Variants in DNAH14 observed in about 807,000 individuals in gnomAD.
DNAH14 encodes the protein axonemal beta dynein heavy chain 14.
DNAH14 carries 478 observed loss-of-function variants against 520.9 expected under a neutral mutation model. That is an observed-to-expected ratio of 0.92 (90% CI 0.85 to 0.99). The LOEUF (loss-of-function observed/expected upper bound fraction) is 0.99. Among genes scored for constraint, DNAH14 ranks in the 50% least tolerant of loss-of-function variants. DNAH14 has a pLI of 0.00. For synonymous variants in DNAH14, 1,581 were observed against 1,757.2 expected, an observed-to-expected ratio of 0.90 and a Z score of 2.51; for missense variants, 4,831 against 5,234.5, an observed-to-expected ratio of 0.92 and a Z score of 2.38.
At chr1:225,243,308 A>G (rs2092080524) in intron 43 of DNAH14, among the ~76,000 whole-genome samples, 1 of 152,142 alleles carries the variant, frequency 6.6e-6, no homozygotes, top group South Asian at 2.1e-4. Context: ...ATAGGAGGGT[A>G]AAAAGGGAAG....
chr1:225,387,894 C>T (rs906656494), intron 81 of DNAH14, among the ~76,000 whole-genome samples: 2 of 151,854 alleles, frequency 1.3e-5, no homozygotes, highest in Non-Finnish European at 2.9e-5. Context: ...TGCAAGGGAG[C>T]GTTAATAAAC....
chr1:225,200,289 CTG>C (rs1329849483), intron 38 of DNAH14, among the ~76,000 whole-genome samples: 1 of 152,118 alleles, frequency 6.6e-6, no homozygotes, highest in Non-Finnish European at 1.5e-5. Flanking sequence ...TTCTGCAATT[CTG>C]TGTCTTTTAA....
chr1:225,275,673 G>GT (rs1305279386), intron 52 of DNAH14, among the ~76,000 whole-genome samples: 1 of 152,136 alleles, frequency 6.6e-6, no homozygotes, highest in Non-Finnish European at 1.5e-5. Context: ...ATATTTGGGG[G>GT]TTTTTGGTAA....
At chr1:224,968,000 C>T (rs1479351167) in intron 6 of DNAH14, 2 of 971,158 alleles carry the variant, frequency 2.1e-6, no homozygotes, top group Non-Finnish European at 1.3e-6. Flanking sequence ...ATATTTATCA[C>T]AAGTTGAAAA....
chr1:225,026,228 A>G (rs1450357674), intron 11 of DNAH14, among the ~76,000 whole-genome samples: 8 of 151,480 alleles, frequency 5.3e-5, no homozygotes, highest in Non-Finnish European at 1.0e-4. Flanking sequence ...TTGGAGTAAA[A>G]AAGTTTTTAA....
chr1:225,290,641 G>GTATATATATA (rs777422222), intron 55 of DNAH14, among the ~76,000 whole-genome samples: 14 of 91,228 alleles, frequency 1.5e-4, no homozygotes, highest in South Asian at 4.0e-4. Context: ...ATGTGTGTGT[G>GTATATATATA]TGTGTGTATA....
At chr1:225,039,362 T>C (rs2067242454) in intron 12 of DNAH14, among the ~76,000 whole-genome samples, 2 of 152,228 alleles carry the variant, frequency 1.3e-5, no homozygotes, top group South Asian at 4.2e-4. Context: ...AGAAGCAAAA[T>C]AGGAAACCTT....
At chr1:225,028,239 G>C (rs2066274488) in intron 11 of DNAH14, among the ~76,000 whole-genome samples, 1 of 151,768 alleles carries the variant, frequency 6.6e-6, no homozygotes, top group Non-Finnish European at 1.5e-5. Context: ...AGATTCATCT[G>C]TGAAGTCTGG....
At chr1:224,977,398 T>G (rs1277155231) in intron 8 of DNAH14, among the ~76,000 whole-genome samples, 1 of 151,648 alleles carries the variant, frequency 6.6e-6, no homozygotes, top group East Asian at 1.9e-4. Flanking sequence ...AATGACAAGT[T>G]AATGGGTGCA....
chr1:225,179,269 T>C (rs909634500), intron 36 of DNAH14, among the ~76,000 whole-genome samples: 2 of 152,212 alleles, frequency 1.3e-5, no homozygotes. Context: ...ACTTATTTTC[T>C]GGTTGTTTTT....
chr1:225,054,377 GA>G (rs905548519), intron 17 of DNAH14, among the ~76,000 whole-genome samples: 1 of 152,104 alleles, frequency 6.6e-6, no homozygotes, highest in African/African-American at 2.4e-5. Context: ...TCTGTGACCA[GA>G]AAAGTCTTGG....
At chr1:225,392,579 A>C in intron 84 of DNAH14, 128 bp downstream of exon 84, 8 of 1,137,684 alleles carry the variant, frequency 7.0e-6, no homozygotes, top group Non-Finnish European at 8.6e-6. Context: ...CAGGCAGATC[A>C]ACAAGCCCTG....
intron 34 of DNAH14, among the ~76,000 whole-genome samples, chr1:225,157,899 C>G (rs1380448696): frequency 7.2e-5 from 11 of 152,076 alleles, no homozygotes; most frequent in Non-Finnish European, 1.5e-5. Context: ...TATAACTCTC[C>G]CATTGTAATA....
At chr1:224,979,631 C>T (rs971759683) in intron 8 of DNAH14, among the ~76,000 whole-genome samples, 1 of 152,160 alleles carries the variant, frequency 6.6e-6, no homozygotes, top group African/African-American at 2.4e-5. Flanking sequence ...GTGGGGGGCA[C>T]CCAACCTAGT....
At chr1:225,007,677 C>G (rs1004988219) in intron 10 of DNAH14, 133 bp downstream of exon 10, 4 of 577,108 alleles carry the variant, frequency 6.9e-6, no homozygotes, top group Non-Finnish European at 1.1e-5. Flanking sequence ...AACCAACTAA[C>G]TGGTACTATG....
At chr1:225,373,222 G>A (rs1230226550) in intron 77 of DNAH14, among the ~76,000 whole-genome samples, 1 of 151,682 alleles carries the variant, frequency 6.6e-6, no homozygotes, top group Non-Finnish European at 1.5e-5. Flanking sequence ...GAGGAGGGCC[G>A]GGCGCGGTGG....
At chr1:225,277,118 AG>A (rs1428993785) in intron 53 of DNAH14, among the ~76,000 whole-genome samples, 3 of 12,066 alleles carry the variant, frequency 2.5e-4, no homozygotes, top group African/African-American at 7.6e-4. Flanking sequence ...GGAGGGGGGG[AG>A]GGGGACGGGG....
At chr1:225,142,409 T>C (rs1573462149) in intron 28 of DNAH14, among the ~76,000 whole-genome samples, 1 of 152,204 alleles carries the variant, frequency 6.6e-6, no homozygotes, top group Non-Finnish European at 1.5e-5. Context: ...ACACCAAACA[T>C]ACTAGCAGCT....
intron 44 of DNAH14, among the ~76,000 whole-genome samples, chr1:225,256,965 T>C (rs539727999): frequency 1.4e-4 from 22 of 151,792 alleles, no homozygotes; most frequent in Non-Finnish European, 2.7e-4. Flanking sequence ...AAGAGGAAAA[T>C]TGATAGCACT....
Sources: gnomAD v4.1 joint callset for allele counts (sites outside exome capture counted in the v4.1 genomes callset) on GRCh38, gnomAD v4.1.1 for gene constraint, MANE v1.5 for transcripts, NCBI Gene and HGNC (gene_info 2026-07-23, HGNC 2026-07-21) for gene names.